Variants in BAHCC1 observed in about 807,000 individuals in gnomAD.
BAHCC1 encodes the protein BAH and coiled-coil domain-containing protein 1.
In BAHCC1, 43 loss-of-function variants were observed where a neutral mutation model predicts 88.2. The observed-to-expected ratio is 0.49, with a 90% CI of 0.38 to 0.63. BAHCC1 has a LOEUF of 0.63. Among genes scored for constraint, BAHCC1 ranks in the 20% least tolerant of loss-of-function variants. The probability of loss-of-function intolerance (pLI) is 0.00; values close to 1 mark genes in which losing one functional copy is unlikely to be tolerated. For missense variants in BAHCC1, 3,023 were observed against 1,654.8 expected, an observed-to-expected ratio of 1.83 and a Z score of -14.34; for synonymous variants, 1,510 against 745.5, an observed-to-expected ratio of 2.03 and a Z score of -16.71.
intron 18 of BAHCC1, 43 bp downstream of exon 18, chr17:81,458,509 C>T: frequency 1.5e-6 from 1 of 665,018 alleles, no homozygotes; most frequent in Non-Finnish European, 2.8e-6. Flanking sequence ...GGGTGGGTGC[C>T]TGTGAGGAAA....
In BAHCC1 at chr17:81,442,062, G is replaced by C. The variant is rs782011046; in HGVS notation, c.713G>C (p.Arg238Pro). 1.4e-6 allele frequency: 1 copy of C among 712,682 alleles called. No individual in the cohort carries two copies. The highest frequency in any genetic ancestry group is 2.5e-5 in the East Asian group (1 of 39,452). The allele number at this position is 712,682 out of a possible 1,614,324, so 44.1% of individuals were successfully genotyped here. ...KAGKAAEGKE[R>P]PAAEEDGGKE... ...GGCAAGGCCGCTGAGGGCAAGGAGC[G>C]GCCAGCGGCAGAGGAGGACGGTGGC... Residue 238 changes from arginine (R) to proline (P), a missense_variant, in exon 5 of 28, where the codon CGG becomes CCG. Coordinates refer to ENST00000675386, the MANE Select transcript of BAHCC1 (RefSeq NM_001377448.1).
In BAHCC1 at chr17:81,447,273, C is replaced by T. The variant is rs782337561; in HGVS notation, c.3401C>T (p.Pro1134Leu). ...REATQDLAAT[P>L]YPTERGPQGK... ...GCCACCCAGGACCTTGCCGCCACCC[C>T]CTACCCTACCGAGCGGGGACCCCAG... Residue 1134 changes from proline to leucine, a missense_variant, in exon 11 of 28, where the codon CCC (proline) becomes CTC (leucine). Transcript: ENST00000675386. 1 of 714,162 alleles carries T rather than the reference C, an allele frequency of 1.4e-6. No individual in the cohort carries two copies. Among genetic ancestry groups the T allele is most frequent in the South Asian group, 1.6e-5 (1 of 64,064 alleles). The allele number at this position is 714,162 out of a possible 1,614,324, so 44.2% of individuals were successfully genotyped here. A position where few individuals can be genotyped will look rare whatever the true frequency, so the allele number is the denominator to read the frequency against.
At chr17:81,451,012 G>A (rs1042955669) in intron 11 of BAHCC1, 1 of 153,766 alleles carries the variant, frequency 6.5e-6, no homozygotes, top group East Asian at 1.9e-4. Flanking sequence ...TGGACGGAAG[G>A]ACTGATGGGC....
At chr17:81,458,074 G>T (rs898898863) in intron 17 of BAHCC1, 91 bp from the exon 18 acceptor site, 1 of 677,320 alleles carries the variant, frequency 1.5e-6, no homozygotes, top group Non-Finnish European at 2.7e-6. Context: ...GGGGTTGCTA[G>T]GTAACCAGGA....
At chr17:81,422,530 C>G (rs2064127747) in intron 2 of BAHCC1, among the ~76,000 whole-genome samples, 1 of 152,188 alleles carries the variant, frequency 6.6e-6, no homozygotes, top group African/African-American at 2.4e-5. Flanking sequence ...AGGGGCTAGG[C>G]TAGAGCCCCC....
At position 81,455,311 on chromosome 17, in the gene BAHCC1, G is replaced by A; in HGVS notation, c.4490G>A (p.Gly1497Glu). The change falls in exon 15 of 28, where the codon GGA becomes GAA. Residue 1497 changes from glycine to glutamate, a missense_variant. Physicochemically the swap from Gly to Glu is moderately conservative, Grantham distance 98. Coordinates refer to ENST00000675386, the MANE Select transcript of BAHCC1 (RefSeq NM_001377448.1). ...SLGLLCAELR[G>E]GSGGEPAKKR... is the part of the protein sequence containing the mutation. ...GGTCTGCTGTGTGCGGAGCTGCGAG[G>A]AGGCAGTGGGGGCGAGCCTGCGAAG... The A allele has an allele frequency of 1.4e-6, 1 of 717,448 alleles. No individual in the cohort carries two copies. The highest frequency in any genetic ancestry group is 2.6e-6 in the Non-Finnish European group (1 of 385,388). 44.4% of individuals were successfully genotyped at this position (717,448 alleles called of 1,614,324 possible). A position where few individuals can be genotyped will look rare whatever the true frequency, so the allele number is the denominator to read the frequency against.
chr17:81,423,341 C>A (rs1555649836), intron 2 of BAHCC1, among the ~76,000 whole-genome samples: 1 of 152,232 alleles, frequency 6.6e-6, no homozygotes, highest in Non-Finnish European at 1.5e-5. Flanking sequence ...CCGTGCAGGG[C>A]AGCCCCCGCC....
intron 2 of BAHCC1, among the ~76,000 whole-genome samples, chr17:81,425,807 C>CGTG (rs782372795): frequency 1.6e-5 from 1 of 62,740 alleles, no homozygotes; most frequent in African/African-American, 7.1e-5. Flanking sequence ...GATGGTGGGT[C>CGTG]GTGGTGGTGG....
chr17:81,424,908 G>A (rs1209854186), intron 2 of BAHCC1, among the ~76,000 whole-genome samples: 5 of 151,286 alleles, frequency 3.3e-5, no homozygotes, highest in African/African-American at 1.2e-4. Flanking sequence ...GGTTGGTGGT[G>A]ATGTGGTTGG....
chr17:81,430,954 C>T (rs1026917490), intron 3 of BAHCC1, among the ~76,000 whole-genome samples: 12 of 150,506 alleles, frequency 8.0e-5, no homozygotes, highest in South Asian at 2.1e-4. Context: ...AAGCTGGCTC[C>T]GCTGGGATGC....
At chr17:81,396,363 T>G (rs1338212972) in intron 1 of BAHCC1, 1 of 152,048 alleles carries the variant, frequency 6.6e-6, no homozygotes, top group Admixed American at 6.5e-5. Context: ...ACCGCGCGCG[T>G]TCGGGACGGC....
chr17:81,420,132 G>T (rs2064098536), intron 2 of BAHCC1, among the ~76,000 whole-genome samples: 1 of 152,198 alleles, frequency 6.6e-6, no homozygotes, highest in African/African-American at 2.4e-5. Flanking sequence ...GCTCTCCGGG[G>T]AGTCCTGGGC....
intron 2 of BAHCC1, 138 bp downstream of exon 2, chr17:81,400,055 C>A: frequency 5.2e-6 from 4 of 771,388 alleles, no homozygotes; most frequent in Middle Eastern, 4.6e-4. Flanking sequence ...GGGCGCTGAG[C>A]GGGGCCGCGC....
At chr17:81,441,071 C>G (rs575237040) in intron 4 of BAHCC1, among the ~76,000 whole-genome samples, 1 of 151,804 alleles carries the variant, frequency 6.6e-6, no homozygotes, top group African/African-American at 2.4e-5. Flanking sequence ...CCCGCGTCCC[C>G]CGAAAATCCA....
In BAHCC1 at chr17:81,447,112, C is replaced by T. The variant is rs782318275; in HGVS notation, c.3240C>T (p.Leu1080=). ...CCTCAGACGTGCACTCTTCTAACCT[C>T]GAGGACCCTGAAACTATGCAAACCA... The part of the protein sequence containing the change: ...SLPSDVHSSN[L]EDPETMQTTA... Residue 1080 remains leucine (L), a synonymous_variant, in exon 11 of 28, where the codon CTC becomes CTT. Coordinates refer to ENST00000675386, the MANE Select transcript of BAHCC1 (RefSeq NM_001377448.1). 26 of 779,228 alleles carry T rather than the reference C, an allele frequency of 3.3e-5. No homozygotes were observed. In the Middle Eastern group the frequency reaches 1.3e-3, roughly 40 times the overall value. 48.3% of individuals were successfully genotyped at this position (779,228 alleles called of 1,614,324 possible).
At chr17:81,429,486 G>A (rs2064236383) in intron 3 of BAHCC1, among the ~76,000 whole-genome samples, 1 of 152,218 alleles carries the variant, frequency 6.6e-6, no homozygotes. Context: ...CGGCGGGCCA[G>A]GGTGAGAGGC....
intron 2 of BAHCC1, among the ~76,000 whole-genome samples, chr17:81,403,600 C>T (rs1374567119): frequency 6.6e-6 from 1 of 152,056 alleles, no homozygotes; most frequent in Non-Finnish European, 1.5e-5. Flanking sequence ...AGGCTCCTCT[C>T]CCTCATCATG....
intron 2 of BAHCC1, among the ~76,000 whole-genome samples, chr17:81,426,110 TG>T (rs2064193379): frequency 5.2e-3 from 623 of 120,488 alleles, no homozygotes; most frequent in Admixed American, 6.4e-3. Context: ...TGGTGGGTGA[TG>T]TGGTTGGTGG....
chr17:81,409,751 G>GACGTCT (rs2063925763), intron 2 of BAHCC1, among the ~76,000 whole-genome samples: 1 of 152,166 alleles, frequency 6.6e-6, no homozygotes, highest in Non-Finnish European at 1.5e-5. Flanking sequence ...CACCCTCTGC[G>GACGTCT]ACGTCTCCAT....
Sources: allele counts gnomAD v4.1 joint callset (sites outside exome capture counted in the v4.1 genomes callset), GRCh38; gene constraint gnomAD v4.1.1; transcripts MANE v1.5; gene names NCBI Gene and HGNC (gene_info 2026-07-23, HGNC 2026-07-21).